The following GRM1 variants were observed in gnomAD, a reference collection of about 807,000 sequenced individuals.
GRM1 encodes glutamate metabotropic receptor 1.
Under a neutral mutation model 90.9 loss-of-function variants are expected in GRM1, and 33 were observed. The observed-to-expected ratio is 0.36, with a 90% CI of 0.28 to 0.49. The LOEUF is 0.49. Ranked by LOEUF, GRM1 falls within the 20% of genes least tolerant of loss-of-function variation. The pLI is 0.99. For missense variants in GRM1, 1,190 were observed against 1,534.3 expected (o/e 0.78, Z 3.75); for synonymous variants, 700 against 613.2 (o/e 1.14, Z -2.09).
intron 7 of GRM1, among the ~76,000 whole-genome samples, chr6:146,429,145 A>T (rs939035912): frequency 6.6e-6 from 1 of 152,310 alleles, no homozygotes; most frequent in Non-Finnish European, 1.5e-5. Flanking sequence ...TTAGCAAGCC[A>T]ATGACTCTCT....
Position 146,029,856 on chromosome 6 carries a change from C to T in GRM1, c.339C>T (p.Ser113=). Reference sequence around the variant, plus strand: ...TCCGGGACTCCTGCTGGCACTCTTCCGTGGCTCTGGAACAGAGCATTGAGT... The same window carrying T: ...TCCGGGACTCCTGCTGGCACTCTTCTGTGGCTCTGGAACAGAGCATTGAGT... ...SEIRDSCWHS[S]VALEQSIEFI... is the part of the protein sequence containing the mutation. The change falls in exon 1 of 8, where the codon TCC becomes TCT. Residue 113 remains serine (S), a synonymous_variant. Transcript: ENST00000282753. 1 of 1,614,146 alleles carries T rather than the reference C, an allele frequency of 6.2e-7. No individual in the cohort carries two copies. The highest frequency in any genetic ancestry group is 8.5e-7 in the Non-Finnish European group (1 of 1,179,994).
intron 2 of GRM1, among the ~76,000 whole-genome samples, chr6:146,162,731 T>C (rs1346567945): frequency 6.6e-6 from 1 of 152,080 alleles, no homozygotes; most frequent in Non-Finnish European, 1.5e-5. Flanking sequence ...TAATGAACTA[T>C]ACTGATAGAA....
Position 146,436,521 on chromosome 6 carries a change from G to C in GRM1, c.*1725G>C, listed in dbSNP as rs187550282. On this transcript the variant is annotated 3_prime_UTR_variant, in exon 8 of 8. Coordinates refer to ENST00000282753, the MANE Select transcript of GRM1 (RefSeq NM_001278064.2). ...TAACATCTAACTCAGCTAATAATTT[G>C]TAAAATCTTTATCAATCACATTTTG... 315 of 152,140 alleles carry C rather than the reference G, an allele frequency of 2.1e-3. 2 individuals carry two copies. The highest frequency in any genetic ancestry group is 7.3e-3 in the African/African-American group (303 of 41,508). The allele number at this position is 152,140 out of a possible 1,614,324, so 9.4% of individuals were successfully genotyped here.
chr6:146,326,432 A>C (rs1232655253), intron 3 of GRM1, among the ~76,000 whole-genome samples: 1 of 152,110 alleles, frequency 6.6e-6, no homozygotes, highest in Non-Finnish European at 1.5e-5. Flanking sequence ...CACACTGGGA[A>C]CTTTTGAGGG....
chr6:146,041,314 G>T (rs889700030), intron 1 of GRM1, among the ~76,000 whole-genome samples: 1 of 151,938 alleles, frequency 6.6e-6, no homozygotes. Flanking sequence ...TGTTTTTTAT[G>T]AATGGATATC....
chr6:146,310,168 G>A (rs894332928), intron 3 of GRM1, among the ~76,000 whole-genome samples: 1 of 152,228 alleles, frequency 6.6e-6, no homozygotes, highest in African/African-American at 2.4e-5. Context: ...AACATTTTAA[G>A]ACTTTGAAGC....
intron 2 of GRM1, among the ~76,000 whole-genome samples, chr6:146,294,729 A>T (rs964518509): frequency 6.6e-6 from 1 of 152,128 alleles, no homozygotes; most frequent in African/African-American, 2.4e-5. Context: ...CTATCTTGCT[A>T]TGTTACTTAC....
intron 3 of GRM1, among the ~76,000 whole-genome samples, chr6:146,313,348 G>C (rs960253073): frequency 5.1e-4 from 77 of 152,210 alleles, no homozygotes; most frequent in African/African-American, 1.7e-3. Context: ...GAAGTTGAAT[G>C]GTCTGTCATG....
intron 2 of GRM1, among the ~76,000 whole-genome samples, chr6:146,279,213 A>G (rs1162758738): frequency 6.6e-6 from 1 of 152,084 alleles, no homozygotes; most frequent in Non-Finnish European, 1.5e-5. Context: ...ATTCATTGCT[A>G]TTATTGATCA....
At position 146,383,648 on chromosome 6, in the gene GRM1, A is replaced by G. The variant is rs145304984; in HGVS notation, c.1603-3242A>G. Reference sequence around the variant, plus strand: ...ATACACTTGCTGAAAATATTCTGTCATTTAATCTTTTTATGTAATTCTAAA... The same window carrying G: ...ATACACTTGCTGAAAATATTCTGTCGTTTAATCTTTTTATGTAATTCTAAA... On this transcript the variant is annotated intron_variant, in intron 5 of 7. Transcript: ENST00000282753. Among the ~76,000 whole-genome samples, 482 of 152,216 alleles carry G rather than the reference A, an allele frequency of 3.2e-3. 4 individuals carry two copies. Among genetic ancestry groups the G allele is most frequent in the African/African-American group, 0.011 (458 of 41,572 alleles).
chr6:146,029,012 A>G (rs6920529), upstream of GRM1, among the ~76,000 whole-genome samples: 6,064 of 152,280 alleles, frequency 0.04, 395 homozygotes, highest in African/African-American at 0.13. Flanking sequence ...ACCCGTGAGG[A>G]CAGAGGGGGC....
At chr6:146,129,539 G>A (rs1206254133) in intron 1 of GRM1, among the ~76,000 whole-genome samples, 3 of 152,126 alleles carry the variant, frequency 2.0e-5, no homozygotes, top group Admixed American at 2.0e-4. Context: ...TTCACTGAGA[G>A]GCTGCACAGA....
intron 2 of GRM1, among the ~76,000 whole-genome samples, chr6:146,295,523 A>G (rs1783145894): frequency 6.6e-6 from 1 of 152,052 alleles, no homozygotes; most frequent in Admixed American, 6.6e-5. Flanking sequence ...ATGAGCCACC[A>G]CACCAGCCTA....
intron 5 of GRM1, among the ~76,000 whole-genome samples, chr6:146,361,271 CA>C (rs1397925579): frequency 6.6e-6 from 1 of 152,184 alleles, no homozygotes; most frequent in Non-Finnish European, 1.5e-5. Context: ...GATGAACGAG[CA>C]GTGACTGAGA....
At chr6:146,097,943 G>A (rs1162198827) in intron 1 of GRM1, among the ~76,000 whole-genome samples, 1 of 152,132 alleles carries the variant, frequency 6.6e-6, no homozygotes, top group Non-Finnish European at 1.5e-5. Flanking sequence ...CTTAAATTCT[G>A]TGATCTCCTT....
At chr6:146,292,109 A>T (rs1175210871) in intron 2 of GRM1, among the ~76,000 whole-genome samples, 1 of 152,006 alleles carries the variant, frequency 6.6e-6, no homozygotes, top group East Asian at 1.9e-4. Context: ...ATACAAAATG[A>T]TAATGCTGGA....
At chr6:146,398,474 G>T (rs1049252161) in intron 6 of GRM1, among the ~76,000 whole-genome samples, 3 of 152,158 alleles carry the variant, frequency 2.0e-5, no homozygotes, top group Non-Finnish European at 4.4e-5. Flanking sequence ...GTAGAACCGA[G>T]TCCCATTCAC....
chr6:146,278,618 A>T (rs868062058), intron 2 of GRM1, among the ~76,000 whole-genome samples: 1 of 152,092 alleles, frequency 6.6e-6, no homozygotes, highest in African/African-American at 2.4e-5. Flanking sequence ...TCTACTAAAA[A>T]TACAAAAATA....
Position 146,370,943 on chromosome 6 carries a change from T to C in GRM1, c.1602+13249T>C, listed in dbSNP as rs145353431. Among the ~76,000 whole-genome samples, 374 of 152,256 alleles carry C rather than the reference T, an allele frequency of 2.5e-3. 3 individuals are homozygous for C. Among genetic ancestry groups the C allele is most frequent in the Admixed American group, 5.1e-3 (78 of 15,270 alleles). On this transcript the variant is annotated intron_variant, in intron 5 of 7. Coordinates refer to ENST00000282753, the MANE Select transcript of GRM1 (RefSeq NM_001278064.2). ...GTTCTTACCATTTTATTATACTTTG[T>C]CGGTGATAAATTACAATGTAGTCCT...
Sources: gnomAD v4.1 joint callset for allele counts (sites outside exome capture counted in the v4.1 genomes callset) on GRCh38, gnomAD v4.1.1 for gene constraint, MANE v1.5 for transcripts, NCBI Gene and HGNC (gene_info 2026-07-23, HGNC 2026-07-21) for gene names.